The following GPC6 variants were observed in gnomAD, a reference collection of about 807,000 sequenced individuals.
GPC6 encodes glypican-6.
In GPC6, 14 loss-of-function variants were observed where a neutral mutation model predicts 55.2. The ratio of observed to expected loss-of-function variants is 0.25; its 90% CI spans 0.17 to 0.40. GPC6 has a LOEUF of 0.40. Ranked by LOEUF, GPC6 falls within the 10% of genes least tolerant of loss-of-function variation. The probability of loss-of-function intolerance (pLI) is 1.00; values close to 1 mark genes in which losing one functional copy is unlikely to be tolerated. For synonymous variants in GPC6, 278 were observed against 259.6 expected (o/e 1.07, Z -0.68); for missense variants, 641 against 708.5 (o/e 0.90, Z 1.08).
At chr13:94,049,061 G>A (rs1883838547) in intron 4 of GPC6, among the ~76,000 whole-genome samples, 1 of 151,912 alleles carries the variant, frequency 6.6e-6, no homozygotes, top group African/African-American at 2.4e-5. Flanking sequence ...GACCAGCCTG[G>A]TCAACATAGC....
intron 4 of GPC6, among the ~76,000 whole-genome samples, chr13:94,167,320 G>A (rs1049980262): frequency 1.3e-5 from 2 of 152,052 alleles, no homozygotes; most frequent in African/African-American, 4.8e-5. Context: ...AGTGCAAGAG[G>A]GCGTGTCCCA....
chr13:93,778,782 C>G (rs758916223), intron 2 of GPC6, among the ~76,000 whole-genome samples: 1 of 152,118 alleles, frequency 6.6e-6, no homozygotes, highest in Non-Finnish European at 1.5e-5. Context: ...GTAGTTGAGC[C>G]CATACAGCCA....
At chr13:93,788,036 G>A (rs1217941142) in intron 2 of GPC6, among the ~76,000 whole-genome samples, 2 of 152,186 alleles carry the variant, frequency 1.3e-5, no homozygotes, top group Admixed American at 6.5e-5. Flanking sequence ...ATTCTAGTAA[G>A]TAACAATGGA....
intron 3 of GPC6, among the ~76,000 whole-genome samples, chr13:93,871,052 C>T (rs933834549): frequency 2.0e-5 from 3 of 151,840 alleles, no homozygotes; most frequent in African/African-American, 7.3e-5. Flanking sequence ...TTTTGTATGA[C>T]ATCACTAATC....
rs142376355 is a variant in GPC6, at chr13:93,724,931, A to G, written c.320-105223A>G. Among the ~76,000 whole-genome samples the G allele has an allele frequency of 9.4e-3, 1,424 of 152,118 alleles. 14 individuals are homozygous for G. Among genetic ancestry groups the G allele is most frequent in the Middle Eastern group, 0.092 (27 of 294 alleles). ...ATGTTTGCTCTTGTTGCACTCATGG[A>G]TTTAAGGTGCTATAGAGAATGAAAC... On this transcript the variant is annotated intron_variant, in intron 2 of 8. Transcript: ENST00000377047.
chr13:93,828,485 T>C (rs947605516), intron 2 of GPC6, among the ~76,000 whole-genome samples: 1 of 152,138 alleles, frequency 6.6e-6, no homozygotes, highest in African/African-American at 2.4e-5. Context: ...ATACAGCATA[T>C]ATAAATATTT....
At chr13:93,554,582 A>G (rs559995820) in intron 2 of GPC6, among the ~76,000 whole-genome samples, 31 of 152,238 alleles carry the variant, frequency 2.0e-4, no homozygotes, top group Non-Finnish European at 3.7e-4. Context: ...TAAAGTGTTT[A>G]TTATCAAATG....
chr13:94,284,505 G>C (rs1190063026), intron 4 of GPC6, among the ~76,000 whole-genome samples: 1 of 151,394 alleles, frequency 6.6e-6, no homozygotes, highest in African/African-American at 2.4e-5. Context: ...TATTTGTGTA[G>C]ATTTCTCTGG....
intron 2 of GPC6, among the ~76,000 whole-genome samples, chr13:93,817,451 C>G (rs1463338504): frequency 1.3e-5 from 2 of 152,014 alleles, no homozygotes; most frequent in Non-Finnish European, 2.9e-5. Context: ...TGTAATTGAA[C>G]TATTTCCTTT....
At chr13:93,475,830 G>C (rs1471727462) in intron 1 of GPC6, among the ~76,000 whole-genome samples, 1 of 152,112 alleles carries the variant, frequency 6.6e-6, no homozygotes, top group Non-Finnish European at 1.5e-5. Context: ...TTAAAATAGA[G>C]GGTGCTTTTT....
chr13:93,639,780 G>A (rs1045639598), intron 2 of GPC6, among the ~76,000 whole-genome samples: 1 of 152,086 alleles, frequency 6.6e-6, no homozygotes, highest in African/African-American at 2.4e-5. Context: ...GGTTCTCTAA[G>A]CCGAGAACAT....
chr13:93,914,623 G>A (rs1194122156), intron 3 of GPC6, among the ~76,000 whole-genome samples: 2 of 152,128 alleles, frequency 1.3e-5, no homozygotes, highest in Non-Finnish European at 2.9e-5. Flanking sequence ...TGTGTTATTA[G>A]AATGCCATTT....
chr13:93,753,209 C>A (rs186517334), intron 2 of GPC6, among the ~76,000 whole-genome samples: 1 of 152,114 alleles, frequency 6.6e-6, no homozygotes, highest in Admixed American at 6.6e-5. Flanking sequence ...TTAGTGTTGG[C>A]GGAATGTCTT....
At chr13:94,112,746 A>G (rs1594744762) in intron 4 of GPC6, among the ~76,000 whole-genome samples, 1 of 152,050 alleles carries the variant, frequency 6.6e-6, no homozygotes, top group African/African-American at 2.4e-5. Flanking sequence ...TACTTTTTGG[A>G]GCTGACACTC....
At chr13:94,060,759 C>G (rs905128042) in intron 4 of GPC6, among the ~76,000 whole-genome samples, 2 of 152,026 alleles carry the variant, frequency 1.3e-5, no homozygotes. Flanking sequence ...ATATTAAAGC[C>G]TAATATTTAG....
intron 1 of GPC6, among the ~76,000 whole-genome samples, chr13:93,396,918 C>A (rs1319000064): frequency 6.6e-6 from 1 of 152,100 alleles, no homozygotes; most frequent in Non-Finnish European, 1.5e-5. Flanking sequence ...TATTATGCAA[C>A]TTTTCATCCT....
At chr13:93,807,889 T>C (rs1281791667) in intron 2 of GPC6, among the ~76,000 whole-genome samples, 1 of 152,222 alleles carries the variant, frequency 6.6e-6, no homozygotes, top group Non-Finnish European at 1.5e-5. Context: ...TCTTCAGTAA[T>C]CTGTATCCAT....
chr13:94,380,789 T>TTAA (rs1880122477), intron 6 of GPC6, among the ~76,000 whole-genome samples: 1 of 152,228 alleles, frequency 6.6e-6, no homozygotes, highest in African/African-American at 2.4e-5. Flanking sequence ...TGTCTTTTAT[T>TTAA]GGCAATTATC....
intron 6 of GPC6, among the ~76,000 whole-genome samples, chr13:94,323,582 G>A (rs1309654427): frequency 6.6e-6 from 1 of 152,146 alleles, no homozygotes; most frequent in Non-Finnish European, 1.5e-5. Flanking sequence ...GGCACTGGAG[G>A]GAAAGGGTAG....
Sources: gnomAD v4.1 joint callset for allele counts (sites outside exome capture counted in the v4.1 genomes callset) on GRCh38, gnomAD v4.1.1 for gene constraint, MANE v1.5 for transcripts, NCBI Gene and HGNC (gene_info 2026-07-23, HGNC 2026-07-21) for gene names.